The following TUBB3 variants were observed in gnomAD, a reference collection of about 807,000 sequenced individuals.
TUBB3 encodes tubulin beta-3 chain.
In TUBB3, 17 loss-of-function variants were observed where a neutral mutation model predicts 37.8. The observed-to-expected ratio is 0.45, with a 90% CI of 0.31 to 0.67. The LOEUF is 0.67. TUBB3 is among the 30% of genes least tolerant of loss of function. The probability of loss-of-function intolerance (pLI) is 0.07; values close to 1 mark genes in which losing one functional copy is unlikely to be tolerated. For synonymous variants in TUBB3, 332 were observed against 278.9 expected (o/e 1.19, Z -1.90); for missense variants, 262 against 657.9 (o/e 0.40, Z 6.58).
At chr16:89,934,045 C>T (rs1383486978) in intron 3 of TUBB3, 5 of 375,574 alleles carry the variant, frequency 1.3e-5, no homozygotes, top group East Asian at 7.8e-5. Context: ...CACGTTCCCA[C>T]GTCTGTGTCC....
chr16:89,933,894 C>G (rs1211373557), intron 3 of TUBB3: 2 of 656,274 alleles, frequency 3.0e-6, no homozygotes, highest in Non-Finnish European at 5.5e-6. Context: ...CGAGGCCTTG[C>G]TGCGGTCAAG....
intron 1 of TUBB3, among the ~76,000 whole-genome samples, chr16:89,924,426 A>G (rs1457560439): frequency 2.6e-5 from 4 of 151,244 alleles, no homozygotes. Context: ...CTGCTTGCCA[A>G]AGGATCTGCC....
At chr16:89,930,014 C>CCCTTCCTTCCTTCCTTCCTT (rs59751572) in intron 1 of TUBB3, among the ~76,000 whole-genome samples, 1 of 141,462 alleles carries the variant, frequency 7.1e-6, no homozygotes, top group East Asian at 2.1e-4. Flanking sequence ...CAGTTTTCTC[C>CCCTTCCTTCCTTCCTTCCTT]CCTTCCTTCC....
chr16:89,930,038 TC>T (rs2151091052), intron 1 of TUBB3, among the ~76,000 whole-genome samples: 1 of 149,098 alleles, frequency 6.7e-6, no homozygotes, highest in South Asian at 2.1e-4. Flanking sequence ...CTTCCTTCCT[TC>T]CTTCCTTCCT....
chr16:89,934,356 G>A (rs768518118), intron 3 of TUBB3: 25 of 493,172 alleles, frequency 5.1e-5, no homozygotes, highest in Middle Eastern at 3.1e-4. Flanking sequence ...ATGCCAACTC[G>A]CATCCAGCCC....
chr16:89,930,059 CCT>C (rs1337344377), intron 1 of TUBB3, among the ~76,000 whole-genome samples: 5 of 93,198 alleles, frequency 5.4e-5, no homozygotes, highest in East Asian at 6.2e-4. Context: ...TTCCTTCCTT[CCT>C]CTCTCTCTCT....
At chr16:89,933,691 T>C in intron 3 of TUBB3, 113 bp downstream of exon 3, 1 of 866,726 alleles carries the variant, frequency 1.2e-6, no homozygotes, top group South Asian at 1.3e-5. Flanking sequence ...CACATGATCC[T>C]GAATGGTGGG....
upstream of TUBB3, chr16:89,923,288 C>G (rs1223450539): frequency 4.0e-5 from 34 of 858,014 alleles, no homozygotes; most frequent in East Asian, 1.3e-3. Context: ...TGACATCAGC[C>G]GATGCGAAGG....
At chr16:89,929,911 G>A (rs1327291995) in intron 1 of TUBB3, among the ~76,000 whole-genome samples, 7 of 151,838 alleles carry the variant, frequency 4.6e-5, no homozygotes, top group Non-Finnish European at 1.0e-4. Context: ...ATGTTGGCCA[G>A]GCTGGTCTTG....
intron 1 of TUBB3, among the ~76,000 whole-genome samples, chr16:89,928,621 T>C (rs2030169725): frequency 6.6e-6 from 1 of 151,492 alleles, no homozygotes; most frequent in African/African-American, 2.4e-5. Context: ...GCCTCCCAGG[T>C]TCACGCCATT....
chr16:89,932,249 T>A, intron 1 of TUBB3: 1 of 438,088 alleles, frequency 2.3e-6, no homozygotes, highest in Non-Finnish European at 4.3e-6. Flanking sequence ...TTATTACCAA[T>A]GCCCTTCATG....
Position 89,934,808 on chromosome 16 carries a change from G to T in TUBB3, c.357G>T (p.Val119=). 12 of 1,614,190 alleles carry T rather than the reference G, an allele frequency of 7.4e-6. No homozygotes were observed. The highest frequency in any genetic ancestry group is 9.3e-6 in the Non-Finnish European group (11 of 1,180,018). ...AGCTGGTGGATTCGGTCCTGGATGT[G>T]GTGCGGAAGGAGTGTGAAAACTGCG... ...GAELVDSVLD[V]VRKECENCDC... Residue 119 remains valine (V), a synonymous_variant, in exon 4 of 4, where the codon GTG becomes GTT. Coordinates refer to ENST00000315491, the MANE Select transcript of TUBB3 (RefSeq NM_006086.4).
At chr16:89,932,767 C>A (rs1035166920) in intron 2 of TUBB3, 88 bp downstream of exon 2, 1 of 1,079,552 alleles carries the variant, frequency 9.3e-7, no homozygotes, top group Non-Finnish European at 1.4e-6. Context: ...CCTGGACTCA[C>A]CAGCTCTCAG....
chr16:89,926,540 G>C (rs2030093038), intron 1 of TUBB3, among the ~76,000 whole-genome samples: 1 of 152,176 alleles, frequency 6.6e-6, no homozygotes, highest in Non-Finnish European at 1.5e-5. Flanking sequence ...CGAGCGCCTG[G>C]CCTCGAACGC....
chr16:89,923,044 G>T (rs7186815), upstream of TUBB3, among the ~76,000 whole-genome samples: 1 of 152,198 alleles, frequency 6.6e-6, no homozygotes, highest in Non-Finnish European at 1.5e-5. Flanking sequence ...GGTTCCCAGG[G>T]CCAAGAGGGG....
intron 1 of TUBB3, among the ~76,000 whole-genome samples, chr16:89,927,241 G>A (rs2030118563): frequency 6.6e-6 from 1 of 151,656 alleles, no homozygotes. Flanking sequence ...AAATTAGCTG[G>A]ACATGGAGGC....
intron 1 of TUBB3, among the ~76,000 whole-genome samples, chr16:89,932,307 C>T (rs1040297280): frequency 6.6e-6 from 1 of 152,250 alleles, no homozygotes; most frequent in Non-Finnish European, 1.5e-5. Context: ...ACAGCTGGGC[C>T]TGGGGACCTG....
chr16:89,933,215 C>G (rs1249522861), intron 2 of TUBB3: 1 of 684,422 alleles, frequency 1.5e-6, no homozygotes, highest in South Asian at 1.5e-5. Flanking sequence ...GACACGAGCC[C>G]CTGCATCTGG....
In TUBB3 at chr16:89,930,733, A is replaced by G. The variant is rs547015081; in HGVS notation, c.58-1838A>G. Reference sequence around the variant, plus strand: ...TTATTTATTTTGAGATGGGGTCTTGATATGAATTCCTAGACTCATGCTTCT... The same window carrying G: ...TTATTTATTTTGAGATGGGGTCTTGGTATGAATTCCTAGACTCATGCTTCT... On this transcript the variant is annotated intron_variant, in intron 1 of 3. Coordinates refer to ENST00000315491, the MANE Select transcript of TUBB3 (RefSeq NM_006086.4). Among the ~76,000 whole-genome samples, 10 of 151,736 alleles carry G rather than the reference A, an allele frequency of 6.6e-5. No individual in the cohort carries two copies. The East Asian group carries it at 2.0e-3, about 30-fold the overall frequency.
Sources: allele counts gnomAD v4.1 joint callset (sites outside exome capture counted in the v4.1 genomes callset), GRCh38; gene constraint gnomAD v4.1.1; transcripts MANE v1.5; gene names NCBI Gene and HGNC (gene_info 2026-07-23, HGNC 2026-07-21).